IMMP2L: variants seen among roughly 807,000 people sequenced by gnomAD.
The protein encoded by IMMP2L is inner mitochondrial membrane peptidase subunit 2.
IMMP2L carries 18 observed loss-of-function variants against 19.3 expected under a neutral mutation model. The ratio of observed to expected loss-of-function variants is 0.93; its 90% CI spans 0.64 to 1.38. IMMP2L has a LOEUF of 1.38. Among genes scored for constraint, IMMP2L ranks in the 40% most tolerant of loss-of-function variants. IMMP2L has a pLI of 0.00. For missense variants in IMMP2L, 233 were observed against 218.2 expected, an observed-to-expected ratio of 1.07 and a Z score of -0.43; for synonymous variants, 76 against 73.0, an observed-to-expected ratio of 1.04 and a Z score of -0.21.
intron 3 of IMMP2L, among the ~76,000 whole-genome samples, chr7:111,388,267 C>T (rs1055708191): frequency 1.3e-5 from 2 of 151,852 alleles, no homozygotes; most frequent in African/African-American, 2.4e-5. Flanking sequence ...GGAGATGACC[C>T]ATACAGCTGT....
chr7:111,270,295 C>T (rs142023421), intron 3 of IMMP2L, among the ~76,000 whole-genome samples: 129 of 152,248 alleles, frequency 8.5e-4, no homozygotes, highest in African/African-American at 2.9e-3. Flanking sequence ...TTACCTGTCT[C>T]CCATTATGAT....
chr7:111,228,966 CGTGTGTGTGTGTGTGTGTGTGTGTGT>C (rs10530563), intron 3 of IMMP2L, among the ~76,000 whole-genome samples: 1 of 143,950 alleles, frequency 6.9e-6, no homozygotes, highest in South Asian at 2.3e-4. Context: ...ACTAGCAATG[CGTGTGTGTGTGTGTGTGTGTGTGTGT>C]GTGTGTGTGT....
At chr7:111,464,738 CA>C (rs1840453800) in intron 3 of IMMP2L, among the ~76,000 whole-genome samples, 1 of 152,102 alleles carries the variant, frequency 6.6e-6, no homozygotes, top group Admixed American at 6.6e-5. Context: ...CCTACCCAAC[CA>C]ATCAAATGTA....
At chr7:110,684,962 G>A (rs943988997) in intron 5 of IMMP2L, among the ~76,000 whole-genome samples, 2 of 151,944 alleles carry the variant, frequency 1.3e-5, no homozygotes, top group African/African-American at 4.8e-5. Flanking sequence ...TTTCCTTCAA[G>A]TGATTTTTAA....
At chr7:111,405,573 T>A (rs2131455349) in intron 3 of IMMP2L, among the ~76,000 whole-genome samples, 1 of 152,258 alleles carries the variant, frequency 6.6e-6, no homozygotes, top group Non-Finnish European at 1.5e-5. Flanking sequence ...GTTTGGATTT[T>A]TACATGAATT....
intron 3 of IMMP2L, among the ~76,000 whole-genome samples, chr7:111,310,842 T>C (rs965139944): frequency 2.0e-5 from 3 of 152,072 alleles, no homozygotes; most frequent in Non-Finnish European, 4.4e-5. Flanking sequence ...CTGGCTCTAG[T>C]AAAAAAGAAC....
intron 5 of IMMP2L, among the ~76,000 whole-genome samples, chr7:110,763,144 G>A (rs1053174448): frequency 1.3e-5 from 2 of 152,060 alleles, no homozygotes; most frequent in Non-Finnish European, 1.5e-5. Flanking sequence ...ATAACATCCT[G>A]AGAAAAAGAA....
rs542185835 is a variant in IMMP2L, at chr7:111,051,202, C to T, written c.240-87637G>A. On this transcript the variant is annotated intron_variant, in intron 3 of 5. Coordinates refer to ENST00000405709, the MANE Select transcript of IMMP2L (RefSeq NM_032549.4). The stretch of plus-strand genomic sequence containing the variant: ...GTATTTTTATGCATTTCCCTGAGTC[C>T]AAAATCAAAGGCAAAGGGAGACTAG... 2.0e-5 allele frequency among the ~76,000 whole-genome samples: 3 copies of T among 152,186 alleles called. No individual in the cohort carries two copies. In the East Asian group the frequency reaches 5.8e-4, roughly 29 times the overall value.
chr7:111,549,074 C>T (rs1849207222), intron 1 of IMMP2L, among the ~76,000 whole-genome samples: 1 of 152,128 alleles, frequency 6.6e-6, no homozygotes, highest in African/African-American at 2.4e-5. Context: ...ATCAGTGAGA[C>T]ATTTTCAGCA....
At chr7:110,875,414 G>T (rs2129544293) in intron 5 of IMMP2L, among the ~76,000 whole-genome samples, 1 of 152,156 alleles carries the variant, frequency 6.6e-6, no homozygotes, top group Admixed American at 6.6e-5. Context: ...TGTGACAGAA[G>T]AATGCAATAC....
intron 2 of IMMP2L, among the ~76,000 whole-genome samples, chr7:111,491,921 A>C (rs1181228338): frequency 6.6e-6 from 1 of 151,576 alleles, no homozygotes; most frequent in Non-Finnish European, 1.5e-5. Flanking sequence ...TTGCCATAAT[A>C]GTGAAGGAAC....
At chr7:111,372,277 A>G (rs1284954348) in intron 3 of IMMP2L, among the ~76,000 whole-genome samples, 3 of 152,042 alleles carry the variant, frequency 2.0e-5, no homozygotes, top group Admixed American at 2.0e-4. Context: ...ATCCACAAAA[A>G]TTAAAATAAA....
intron 5 of IMMP2L, among the ~76,000 whole-genome samples, chr7:110,860,371 T>C (rs1161388961): frequency 6.6e-6 from 1 of 152,080 alleles, no homozygotes; most frequent in Admixed American, 6.5e-5. Context: ...ATGTAGTACA[T>C]TCTTGGAGCC....
chr7:111,328,984 G>A (rs1479795236), intron 3 of IMMP2L, among the ~76,000 whole-genome samples: 1 of 151,718 alleles, frequency 6.6e-6, no homozygotes, highest in Admixed American at 6.6e-5. Flanking sequence ...TAAGACCTTG[G>A]TAAGATCTCA....
At chr7:111,505,677 G>A (rs1281061955) in intron 2 of IMMP2L, among the ~76,000 whole-genome samples, 1 of 152,046 alleles carries the variant, frequency 6.6e-6, no homozygotes, top group Non-Finnish European at 1.5e-5. Context: ...GTAGGGACAT[G>A]GATGAAACTG....
At chr7:111,191,646 G>A (rs1189595391) in intron 3 of IMMP2L, among the ~76,000 whole-genome samples, 2 of 152,032 alleles carry the variant, frequency 1.3e-5, no homozygotes, top group African/African-American at 2.4e-5. Flanking sequence ...AAGGTAAGAA[G>A]ATTCTAGCAT....
At chr7:111,232,964 C>T (rs2129625085) in intron 3 of IMMP2L, among the ~76,000 whole-genome samples, 1 of 152,172 alleles carries the variant, frequency 6.6e-6, no homozygotes, top group South Asian at 2.1e-4. Flanking sequence ...GATGTACTCC[C>T]AATGCATCTT....
At chr7:111,161,252 T>C (rs563529694) in intron 3 of IMMP2L, among the ~76,000 whole-genome samples, 3 of 151,980 alleles carry the variant, frequency 2.0e-5, no homozygotes, top group East Asian at 3.9e-4. Context: ...GAAGTCAATA[T>C]AGCTTTGACG....
chr7:111,203,825 A>C (rs1376871866), intron 3 of IMMP2L, among the ~76,000 whole-genome samples: 1 of 152,158 alleles, frequency 6.6e-6, no homozygotes, highest in Admixed American at 6.5e-5. Context: ...ATAGCTCTCA[A>C]ATATTTGAAA....
Sources: gnomAD v4.1 joint callset for allele counts (sites outside exome capture counted in the v4.1 genomes callset) on GRCh38, gnomAD v4.1.1 for gene constraint, MANE v1.5 for transcripts, NCBI Gene and HGNC (gene_info 2026-07-23, HGNC 2026-07-21) for gene names.